GRK5: variants seen among roughly 807,000 people sequenced by gnomAD.
The protein encoded by GRK5 is G protein-coupled receptor kinase 5.
Under a neutral mutation model 78.4 loss-of-function variants are expected in GRK5, and 40 were observed. That is an observed-to-expected ratio of 0.51 (90% CI 0.40 to 0.66). GRK5 has a LOEUF of 0.66. Ranked by LOEUF, GRK5 falls within the 30% of genes least tolerant of loss-of-function variation. The pLI is 0.00. For missense variants in GRK5, 598 were observed against 759.9 expected (o/e 0.79, Z 2.50); for synonymous variants, 289 against 296.8 (o/e 0.97, Z 0.27).
intron 1 of GRK5, among the ~76,000 whole-genome samples, chr10:119,254,779 G>C (rs961637232): frequency 1.3e-5 from 2 of 152,236 alleles, no homozygotes; most frequent in South Asian, 4.1e-4. Context: ...AACAGGCCGG[G>C]CACGGTGGCT....
At chr10:119,211,716 G>T (rs1182981838) in intron 1 of GRK5, 3 of 152,162 alleles carry the variant, frequency 2.0e-5, no homozygotes, top group Non-Finnish European at 2.9e-5. Context: ...CGTTTTTTCA[G>T]GTAACTCTGT....
At chr10:119,339,112 G>A (rs1850940732) in intron 2 of GRK5, among the ~76,000 whole-genome samples, 1 of 152,244 alleles carries the variant, frequency 6.6e-6, no homozygotes, top group South Asian at 2.1e-4. Flanking sequence ...AATGTGATGG[G>A]GATGGACAAA....
At chr10:119,331,100 C>T (rs1850768828) in intron 2 of GRK5, among the ~76,000 whole-genome samples, 2 of 152,152 alleles carry the variant, frequency 1.3e-5, no homozygotes, top group South Asian at 4.1e-4. Context: ...GGATTTGGCT[C>T]TGAGCTTTTT....
chr10:119,396,101 TTTATTA>T (rs1852047505), intron 3 of GRK5, among the ~76,000 whole-genome samples: 1 of 152,198 alleles, frequency 6.6e-6, no homozygotes, highest in Non-Finnish European at 1.5e-5. Flanking sequence ...ATAGCAACTG[TTTATTA>T]TTATTTATGA....
At chr10:119,415,068 T>G (rs1589797345) in intron 4 of GRK5, among the ~76,000 whole-genome samples, 1 of 114,044 alleles carries the variant, frequency 8.8e-6, no homozygotes, top group Non-Finnish European at 1.6e-5. Context: ...GGTGACAGAG[T>G]GAGACTCTGT....
chr10:119,372,603 C>A (rs1436552955), intron 2 of GRK5, among the ~76,000 whole-genome samples: 4 of 152,164 alleles, frequency 2.6e-5, no homozygotes, highest in African/African-American at 9.7e-5. Context: ...AGGGGTAAAT[C>A]TCATAGCTTC....
At chr10:119,288,846 T>C (rs938851246) in intron 1 of GRK5, among the ~76,000 whole-genome samples, 22 of 152,216 alleles carry the variant, frequency 1.4e-4, no homozygotes, top group Non-Finnish European at 2.6e-4. Flanking sequence ...CAGAGGCGAA[T>C]GCGGAACATG....
At chr10:119,424,884 G>A in intron 5 of GRK5, 109 bp from the exon 6 acceptor site, 1 of 768,008 alleles carries the variant, frequency 1.3e-6, no homozygotes, top group Non-Finnish European at 2.4e-6. Context: ...GCATCTGCAT[G>A]GGTTGAGAGG....
intron 4 of GRK5, among the ~76,000 whole-genome samples, chr10:119,403,396 A>C (rs1589790721): frequency 6.6e-6 from 1 of 151,890 alleles, no homozygotes; most frequent in Non-Finnish European, 1.5e-5. Flanking sequence ...CGATCTCCTG[A>C]CCTCGTGATC....
chr10:119,405,314 A>C (rs1467552198), intron 4 of GRK5, among the ~76,000 whole-genome samples: 1 of 152,158 alleles, frequency 6.6e-6, no homozygotes, highest in African/African-American at 2.4e-5. Context: ...AAAGGTCTGC[A>C]GGCAGGATAT....
At chr10:119,223,430 G>A (rs1433168542) in intron 1 of GRK5, among the ~76,000 whole-genome samples, 1 of 152,162 alleles carries the variant, frequency 6.6e-6, no homozygotes, top group Non-Finnish European at 1.5e-5. Flanking sequence ...AGCTTTTGGG[G>A]ATAGCCTGTA....
At chr10:119,258,686 A>G (rs1849325102) in intron 1 of GRK5, among the ~76,000 whole-genome samples, 1 of 152,140 alleles carries the variant, frequency 6.6e-6, no homozygotes, top group Non-Finnish European at 1.5e-5. Context: ...CCAGAAGTGG[A>G]CTCTGGTGCA....
At chr10:119,428,966 A>G (rs1356738653) in intron 6 of GRK5, among the ~76,000 whole-genome samples, 1 of 152,220 alleles carries the variant, frequency 6.6e-6, no homozygotes, top group Non-Finnish European at 1.5e-5. Context: ...TCCTCCATGC[A>G]TCGTAAACTG....
intron 1 of GRK5, chr10:119,208,488 C>T (rs1440966675): frequency 6.5e-6 from 1 of 154,956 alleles, no homozygotes; most frequent in African/African-American, 2.4e-5. Flanking sequence ...GGAAGGAAGC[C>T]TTTTAAAGGC....
chr10:119,425,583 C>T (rs1438023004), intron 6 of GRK5, among the ~76,000 whole-genome samples: 2 of 152,202 alleles, frequency 1.3e-5, no homozygotes, highest in African/African-American at 2.4e-5. Context: ...GATTTTAAAC[C>T]GTGAGTGCTG....
At chr10:119,444,139 C>A (rs1001546615) in intron 12 of GRK5, among the ~76,000 whole-genome samples, 12 of 152,158 alleles carry the variant, frequency 7.9e-5, no homozygotes, top group African/African-American at 2.4e-4. Flanking sequence ...CTCCTGCTCC[C>A]TCCACCTCTG....
chr10:119,356,268 T>A (rs1251974262), intron 2 of GRK5, among the ~76,000 whole-genome samples: 1 of 152,138 alleles, frequency 6.6e-6, no homozygotes, highest in Non-Finnish European at 1.5e-5. Context: ...ATTCTCAGGG[T>A]GTGGAGGGCA....
intron 1 of GRK5, among the ~76,000 whole-genome samples, chr10:119,290,867 C>T (rs553422498): frequency 3.9e-5 from 6 of 152,226 alleles, no homozygotes; most frequent in African/African-American, 9.6e-5. Context: ...GGGCTGGGCT[C>T]CTCTAAGGAG....
At chr10:119,454,271 G>C (rs925851229) in intron 15 of GRK5, among the ~76,000 whole-genome samples, 1 of 152,160 alleles carries the variant, frequency 6.6e-6, no homozygotes, top group Non-Finnish European at 1.5e-5. Context: ...TCACAGACCC[G>C]GGTTCAAACC....
Sources: allele counts gnomAD v4.1 joint callset (sites outside exome capture counted in the v4.1 genomes callset), GRCh38; gene constraint gnomAD v4.1.1; transcripts MANE v1.5; gene names NCBI Gene and HGNC (gene_info 2026-07-23, HGNC 2026-07-21).